DAB1: variants seen among roughly 807,000 people sequenced by gnomAD.
DAB1 encodes the protein DAB adaptor protein 1, also known as disabled homolog 1.
DAB1 carries 15 observed loss-of-function variants against 64.6 expected under a neutral mutation model. That is an observed-to-expected ratio of 0.23 (90% confidence interval 0.16 to 0.36). The LOEUF (loss-of-function observed/expected upper bound fraction) is 0.36. Among genes scored for constraint, DAB1 ranks in the 10% least tolerant of loss-of-function variants. The pLI is 1.00. For missense variants in DAB1, 596 were observed against 706.7 expected, an observed-to-expected ratio of 0.84 and a Z score of 1.78; for synonymous variants, 235 against 251.9, an observed-to-expected ratio of 0.93 and a Z score of 0.64.
chr1:57,277,966 A>G (rs939758284), intron 2 of DAB1, among the ~76,000 whole-genome samples: 33 of 152,210 alleles, frequency 2.2e-4, no homozygotes, highest in Non-Finnish European at 4.9e-4. Context: ...GAAAGACTCA[A>G]GTGATGATAG....
At chr1:57,609,715 C>G (rs1461406776) in intron 7 of DAB1, among the ~76,000 whole-genome samples, 1 of 152,136 alleles carries the variant, frequency 6.6e-6, no homozygotes, top group Non-Finnish European at 1.5e-5. Flanking sequence ...CAAAATAAAT[C>G]TAAAATGCTA....
At chr1:58,414,804 G>T (rs1017324990) in intron 3 of DAB1, among the ~76,000 whole-genome samples, 3 of 151,566 alleles carry the variant, frequency 2.0e-5, no homozygotes, top group Admixed American at 1.3e-4. Context: ...GAAAGAAAAG[G>T]TCTTTTAATT....
intron 6 of DAB1, among the ~76,000 whole-genome samples, chr1:57,687,714 A>G (rs1215763718): frequency 2.0e-5 from 3 of 152,078 alleles, no homozygotes; most frequent in Admixed American, 6.6e-5. Flanking sequence ...TGGTACAAAA[A>G]CAGACACAAA....
At chr1:58,054,044 C>A (rs934022012) in intron 5 of DAB1, among the ~76,000 whole-genome samples, 2 of 152,142 alleles carry the variant, frequency 1.3e-5, no homozygotes, top group African/African-American at 4.8e-5. Context: ...ACTAAAAGGG[C>A]TTTCTTTTTG....
chr1:58,327,393 A>T (rs1490618457), intron 4 of DAB1, among the ~76,000 whole-genome samples: 1 of 152,168 alleles, frequency 6.6e-6, no homozygotes, highest in Non-Finnish European at 1.5e-5. Flanking sequence ...GCCCAGCCCA[A>T]ACCCACTCCT....
At chr1:57,019,487 A>C (rs1646544496) in intron 11 of DAB1, among the ~76,000 whole-genome samples, 1 of 152,202 alleles carries the variant, frequency 6.6e-6, no homozygotes, top group African/African-American at 2.4e-5. Flanking sequence ...AAAAGGCAGC[A>C]CAGGGTAATT....
At chr1:57,020,898 G>A (rs980151873) in intron 11 of DAB1, among the ~76,000 whole-genome samples, 2 of 152,104 alleles carry the variant, frequency 1.3e-5, no homozygotes, top group Non-Finnish European at 2.9e-5. Flanking sequence ...GGCTGAATCA[G>A]GATCCAAACC....
At chr1:57,199,028 G>GA (rs1664878514) in intron 2 of DAB1, among the ~76,000 whole-genome samples, 2 of 152,148 alleles carry the variant, frequency 1.3e-5, no homozygotes, top group Admixed American at 1.3e-4. Flanking sequence ...TGGTTTTAAA[G>GA]AAAAAACCTC....
chr1:57,463,380 T>C (rs1449617608), intron 7 of DAB1, among the ~76,000 whole-genome samples: 1 of 152,230 alleles, frequency 6.6e-6, no homozygotes, highest in African/African-American at 2.4e-5. Context: ...ATTCTTGAAA[T>C]CACAATATAA....
chr1:57,611,869 C>A (rs1256153820), intron 7 of DAB1, among the ~76,000 whole-genome samples: 1 of 152,224 alleles, frequency 6.6e-6, no homozygotes, highest in Non-Finnish European at 1.5e-5. Flanking sequence ...CCTCTAAGGT[C>A]TTCCTATTGC....
chr1:57,591,966 C>T (rs1162463543), intron 7 of DAB1, among the ~76,000 whole-genome samples: 1 of 152,172 alleles, frequency 6.6e-6, no homozygotes, highest in African/African-American at 2.4e-5. Context: ...CAAATACACT[C>T]TGTGATGTTT....
intron 1 of DAB1, among the ~76,000 whole-genome samples, chr1:57,315,083 C>G (rs948397610): frequency 9.9e-5 from 15 of 152,094 alleles, no homozygotes; most frequent in African/African-American, 3.6e-4. Context: ...CCCACCACCC[C>G]ACTTCTTCTG....
At chr1:57,425,178 T>C (rs1055941198), upstream of DAB1, among the ~76,000 whole-genome samples, 24 of 152,092 alleles carry the variant, frequency 1.6e-4, no homozygotes, top group African/African-American at 7.2e-5. Context: ...GTGCATAATA[T>C]GTAGATTCGC....
intron 5 of DAB1, among the ~76,000 whole-genome samples, chr1:57,918,344 A>G (rs72666160): frequency 0.15 from 23,302 of 152,166 alleles, 2,015 homozygotes; most frequent in Middle Eastern, 0.32. Context: ...CTTCAGGCTA[A>G]AAAGTTCAAG....
chr1:58,013,445 C>T lies in DAB1; in HGVS notation n.388-129283G>A, dbSNP rs139946683. On this transcript the variant is annotated intron_variant and non_coding_transcript_variant, in intron 5 of 20. Transcript: ENST00000485760. ...GCACTTCAGAGACCACAGCAGGGGG[C>T]GCCTGAGCCACATGCTCCAAAAAAA... Among the ~76,000 whole-genome samples, 215 of 152,104 alleles carry T rather than the reference C, an allele frequency of 1.4e-3. 1 individual carries two copies. In the East Asian group the frequency reaches 0.022, roughly 16 times the overall value.
At chr1:58,220,416 T>C (rs1282439417) in intron 4 of DAB1, among the ~76,000 whole-genome samples, 1 of 152,160 alleles carries the variant, frequency 6.6e-6, no homozygotes, top group Middle Eastern at 3.2e-3. Context: ...TAGATAATCT[T>C]TACATTTTCT....
chr1:57,644,507 C>T (rs958660923), intron 7 of DAB1, among the ~76,000 whole-genome samples: 1 of 152,028 alleles, frequency 6.6e-6, no homozygotes, highest in African/African-American at 2.4e-5. Context: ...GAAGCAGAAA[C>T]AAGCACTTGT....
intron 7 of DAB1, among the ~76,000 whole-genome samples, chr1:57,640,702 G>A (rs989058182): frequency 2.6e-5 from 4 of 152,182 alleles, no homozygotes; most frequent in Non-Finnish European, 5.9e-5. Flanking sequence ...TAAAAGAGAA[G>A]AATGGCTACA....
At chr1:58,085,179 C>T (rs1570331693) in intron 5 of DAB1, among the ~76,000 whole-genome samples, 1 of 152,260 alleles carries the variant, frequency 6.6e-6, no homozygotes, top group African/African-American at 2.4e-5. Flanking sequence ...GCAGACAAGA[C>T]AGATGGAGGA....
Sources: allele counts gnomAD v4.1 joint callset (sites outside exome capture counted in the v4.1 genomes callset), GRCh38; gene constraint gnomAD v4.1.1; transcripts MANE v1.5; gene names NCBI Gene and HGNC (gene_info 2026-07-23, HGNC 2026-07-21).